HSPG2: variants seen among roughly 807,000 people sequenced by gnomAD.
The protein encoded by HSPG2 is basement membrane-specific heparan sulfate proteoglycan core protein.
A neutral mutation model predicts 526.6 loss-of-function variants in HSPG2; 278 were observed. The observed-to-expected ratio is 0.53, with a 90% confidence interval of 0.48 to 0.58. The LOEUF is 0.58. Ranked by LOEUF, HSPG2 falls within the 20% of genes least tolerant of loss-of-function variation. HSPG2 has a pLI of 0.00. For missense variants in HSPG2, 5,354 were observed against 6,099.5 expected (o/e 0.88, Z 4.07); for synonymous variants, 2,465 against 2,555.4 (o/e 0.96, Z 1.07).
rs1428659803 is a variant in HSPG2 at position 21,842,937 on chromosome 1, G to A, written c.8759-16C>T. On this transcript the variant is annotated splice_polypyrimidine_tract_variant and intron_variant, in intron 66 of 96. Coordinates refer to ENST00000374695, the MANE Select transcript of HSPG2 (RefSeq NM_005529.7). ...AGTCCTGGAGCTGTGGGCACAGGGG[G>A]TGGGTGAGAGAGGCCAGGCTCCGGG... is the stretch of plus-strand genomic sequence containing the variant. 1 of 1,613,852 alleles carries A rather than the reference G, an allele frequency of 6.2e-7. No homozygotes were observed. Among genetic ancestry groups the A allele is most frequent in the Non-Finnish European group, 8.5e-7 (1 of 1,179,944 alleles).
Position 21,847,775 on chromosome 1 carries a change from A to G in HSPG2, c.7939T>C (p.Leu2647=). 1 of 1,613,646 alleles carries G rather than the reference A, an allele frequency of 6.2e-7. No homozygotes were observed. The highest frequency in any genetic ancestry group is 8.5e-7 in the Non-Finnish European group (1 of 1,179,938). Residue 2647 remains leucine (L), a synonymous_variant, in exon 61 of 97, where the codon TTG becomes CTG. Coordinates refer to ENST00000374695, the MANE Select transcript of HSPG2 (RefSeq NM_005529.7). This position sits in a 1 kb window ranked among gnomAD's most constrained non-coding sequence, Gnocchi z 4.1. ...SSPTVVEGQT[L]DLNCVVARQP... is the part of the protein sequence containing the mutation. Reference sequence around the variant, plus strand: ...CTGGCGACCACGCAGTTCAGATCCAAGGTCTGCCCTTCCACCACCGTGGGG... The same window carrying G: ...CTGGCGACCACGCAGTTCAGATCCAGGGTCTGCCCTTCCACCACCGTGGGG...
At position 21,828,317 on chromosome 1, in the gene HSPG2, C is replaced by T. The variant is rs1355042273; in HGVS notation, c.12347G>A (p.Gly4116Asp). Residue 4116 changes from glycine (G) to aspartate (D), a missense_variant, in exon 89 of 97, where the codon GGT (glycine) becomes GAT (aspartate). Transcript: ENST00000374695. The surrounding 1 kb of genome is among the most constrained non-coding windows in gnomAD (Gnocchi z 6.0). ...CTCGCCAGCGGGCATGCACGTGGCACCATGTTGGCAAGGCTGGCGCTCACA... is the reference window on the plus strand; with the variant it reads ...CTCGCCAGCGGGCATGCACGTGGCATCATGTTGGCAAGGCTGGCGCTCACA... ...SPCERQPCQH[G>D]ATCMPAGEYE... 6.2e-7 allele frequency: 1 copy of T among 1,613,812 alleles called. No individual in the cohort carries two copies. Among genetic ancestry groups the T allele is most frequent in the East Asian group, 2.2e-5 (1 of 44,866 alleles).
chr1:21,923,922 C>A (rs751831734), intron 1 of HSPG2, among the ~76,000 whole-genome samples: 17 of 152,148 alleles, frequency 1.1e-4, no homozygotes, highest in Non-Finnish European at 2.5e-4. Flanking sequence ...CTTGGGATCA[C>A]GTAAGAGTTT....
Position 21,876,379 on chromosome 1 carries a change from A to G in HSPG2, c.2853T>C (p.Gly951=). Residue 951 remains glycine (G), a synonymous_variant, in exon 23 of 97, where the codon GGT becomes GGC. Coordinates refer to ENST00000374695, the MANE Select transcript of HSPG2 (RefSeq NM_005529.7). ...TTGCGGCGTTGGTCAGGCTGAAGTGACCAGGCTCCTCAGAGGCCCCATGCA... is the reference window on the plus strand; with the variant it reads ...TTGCGGCGTTGGTCAGGCTGAAGTGGCCAGGCTCCTCAGAGGCCCCATGCA... ...AQLHGASEEP[G]HFSLTNAAST... 1 of 1,612,010 alleles carries G rather than the reference A, an allele frequency of 6.2e-7. No individual in the cohort carries two copies. The highest frequency in any genetic ancestry group is 8.5e-7 in the Non-Finnish European group (1 of 1,179,110).
chr1:21,886,763 T>C (rs1390150151), intron 9 of HSPG2, among the ~76,000 whole-genome samples: 1 of 151,688 alleles, frequency 6.6e-6, no homozygotes, highest in African/African-American at 2.4e-5. Flanking sequence ...GGTGTATAGG[T>C]GGGTGCATGG....
Position 21,880,524 on chromosome 1 carries a change from C to T in HSPG2, c.2034G>A (p.Gln678=), listed in dbSNP as rs375600124. Residue 678 remains glutamine (Q), a synonymous_variant, in exon 16 of 97, where the codon CAG becomes CAA. Transcript: ENST00000374695. ...HWVHESGRPV[Q]RAELLQVLQS... ...GCAGCACCTGCAGCAGCTCCGCGCG[C>T]TGCACCGGCCGGCCAGACTCATGGA... 1 of 1,613,542 alleles carries T rather than the reference C, an allele frequency of 6.2e-7. No individual in the cohort carries two copies. The highest frequency in any genetic ancestry group is 1.3e-5 in the African/African-American group (1 of 74,950).
At position 21,861,979 on chromosome 1, in the gene HSPG2, G is replaced by T. The variant is rs1191376218; in HGVS notation, c.4868+9C>A. 1 of 1,614,188 alleles carries T rather than the reference G, an allele frequency of 6.2e-7. No homozygotes were observed. Among genetic ancestry groups the T allele is most frequent in the South Asian group, 1.1e-5 (1 of 91,082 alleles). On this transcript the variant is annotated intron_variant, in intron 38 of 96. Coordinates refer to ENST00000374695, the MANE Select transcript of HSPG2 (RefSeq NM_005529.7). Reference sequence around the variant, plus strand: ...AGTGTGTCCTTGGGCCTTGAGCTAGGGTACCCACATGTTCTCTGGGTTGGT... The same window carrying T: ...AGTGTGTCCTTGGGCCTTGAGCTAGTGTACCCACATGTTCTCTGGGTTGGT...
chr1:21,846,932 G>C (rs535315286), intron 62 of HSPG2, among the ~76,000 whole-genome samples: 1 of 152,086 alleles, frequency 6.6e-6, no homozygotes, highest in Non-Finnish European at 1.5e-5. Context: ...CCTGGAAGGC[G>C]GAAGTTGCAG....
chr1:21,888,749 C>A, intron 6 of HSPG2: 1 of 1,353,474 alleles, frequency 7.4e-7, no homozygotes, highest in South Asian at 1.2e-5. Context: ...AGTGGCTGTT[C>A]CACCTGGGAG....
rs369384069 is a variant in HSPG2, at chr1:21,838,904, A to G, written c.10071T>C (p.Pro3357=). ...GGCAGCGGTAGCGGCCTGAGTCCTCAGGGGCTGCACGCTCAAAGTGCAGCA... is the reference window on the plus strand; with the variant it reads ...GGCAGCGGTAGCGGCCTGAGTCCTCGGGGGCTGCACGCTCAAAGTGCAGCA... ...NELLHFERAA[P]EDSGRYRCRV... is the part of the protein sequence containing the mutation. Residue 3357 remains proline, a synonymous_variant, in exon 74 of 97, where the codon CCT becomes CCC. Transcript: ENST00000374695. 20 of 1,612,434 alleles carry G rather than the reference A, an allele frequency of 1.2e-5. No homozygotes were observed. The highest frequency in any genetic ancestry group is 1.1e-4 in the African/African-American group (8 of 75,010).
chr1:21,871,878 C>T (rs943911871), intron 33 of HSPG2, among the ~76,000 whole-genome samples: 1 of 152,206 alleles, frequency 6.6e-6, no homozygotes, highest in African/African-American at 2.4e-5. Flanking sequence ...TTATATTTCC[C>T]GGCCTCTCCC....
At chr1:21,829,664 G>T in intron 86 of HSPG2, 60 bp from the exon 87 acceptor site, 1 of 1,430,950 alleles carries the variant, frequency 7.0e-7, no homozygotes, top group Non-Finnish European at 9.6e-7. Context: ...GTGGGGTCCA[G>T]CTACTCTGCC....
At position 21,824,609 on chromosome 1, in the gene HSPG2, G is replaced by C. The variant is rs762283434; in HGVS notation, c.12672C>G (p.Pro4224=). 1.2e-6 allele frequency: 2 copies of C among 1,614,042 alleles called. No individual in the cohort carries two copies. The highest frequency in any genetic ancestry group is 1.7e-4 in the Middle Eastern group (1 of 6,058). ...CCAGCTCGATGGTCTCGGGCACCTC[G>C]GGCAGGCTGCGGAGGAAGAGCGGGT... is the stretch of plus-strand genomic sequence containing the variant. ...FPGHVFSRSL[P]EVPETIELEV... The change falls in exon 93 of 97, where the codon CCC becomes CCG. Residue 4224 remains proline, a synonymous_variant. Transcript: ENST00000374695. This position sits in a 1 kb window ranked among gnomAD's most constrained non-coding sequence, Gnocchi z 5.9.
Position 21,858,508 on chromosome 1 carries a change from C to T in HSPG2, c.5293+1058G>A, listed in dbSNP as rs1169266104. Among the ~76,000 whole-genome samples, 1 of 152,210 alleles carries T rather than the reference C, an allele frequency of 6.6e-6. No individual in the cohort carries two copies. The highest frequency in any genetic ancestry group is 1.5e-5 in the Non-Finnish European group (1 of 68,038). ...ACAGCAACCATACTCATTTCTCTGG[C>T]TGGGGCCTCTTACTGGAGTTCAGAC... On this transcript the variant is annotated intron_variant, in intron 42 of 96. Transcript: ENST00000374695. The surrounding 1 kb of genome is among the most constrained non-coding windows in gnomAD (Gnocchi z 4.2).
chr1:21,831,434 C>A, intron 83 of HSPG2, 29 bp downstream of exon 83: 2 of 1,611,028 alleles, frequency 1.2e-6, no homozygotes, highest in Non-Finnish European at 1.7e-6. Flanking sequence ...TAAGGCCCAG[C>A]CTCAGCTGGA....
chr1:21,846,266 G>A lies in HSPG2; in HGVS notation c.8317-11C>T, dbSNP rs771091749. Reference sequence around the variant, plus strand: ...CCGTGAGCCGCGGGTCTGAATAGGGGACAGGACAGAGGAACAGAGTCAGGT... The same window carrying A: ...CCGTGAGCCGCGGGTCTGAATAGGGAACAGGACAGAGGAACAGAGTCAGGT... On this transcript the variant is annotated splice_polypyrimidine_tract_variant and intron_variant, in intron 63 of 96. Transcript: ENST00000374695. The A allele has an allele frequency of 6.2e-7, 1 of 1,613,042 alleles. No individual in the cohort carries two copies. Among genetic ancestry groups the A allele is most frequent in the Non-Finnish European group, 8.5e-7 (1 of 1,179,968 alleles).
At position 21,835,649 on chromosome 1, in the gene HSPG2, AAAT is replaced by A. The variant is rs759317117; in HGVS notation, c.10356-15_10356-13del. The A allele has an allele frequency of 1.0e-5, 16 of 1,594,870 alleles. No individual in the cohort carries two copies. In the South Asian group the frequency reaches 1.8e-4, roughly 18 times the overall value. On this transcript the variant is annotated splice_polypyrimidine_tract_variant and intron_variant, in intron 75 of 96. Transcript: ENST00000374695. The stretch of plus-strand genomic sequence containing the variant: ...CCAAGTTCTGGATTCTATAAAGAAA[AAAT>A]AATAAGACATCAGGGAGTTGAAAAC...
intron 1 of HSPG2, among the ~76,000 whole-genome samples, chr1:21,928,297 TG>T (rs1382027298): frequency 2.0e-5 from 3 of 152,226 alleles, no homozygotes; most frequent in African/African-American, 7.2e-5. Flanking sequence ...CCACATCTTC[TG>T]GGGCCCTGCA....
At chr1:21,832,372 G>T in intron 81 of HSPG2, 123 bp downstream of exon 81, 2 of 807,796 alleles carry the variant, frequency 2.5e-6, no homozygotes, top group Non-Finnish European at 4.2e-6. Flanking sequence ...TGGTCACCAA[G>T]GGTAACGGCC....
Sources: allele counts gnomAD v4.1 joint callset (sites outside exome capture counted in the v4.1 genomes callset), GRCh38; gene constraint gnomAD v4.1.1; non-coding constraint Gnocchi (gnomAD v3.1); transcripts MANE v1.5; gene names NCBI Gene and HGNC (gene_info 2026-07-23, HGNC 2026-07-21).